PRKN: variants seen among roughly 807,000 people sequenced by gnomAD.
PRKN encodes E3 ubiquitin-protein ligase parkin.
A neutral mutation model predicts 59.5 loss-of-function variants in PRKN; 56 were observed. That is an observed-to-expected ratio of 0.94 (90% confidence interval 0.76 to 1.18). The LOEUF (loss-of-function observed/expected upper bound fraction) is 1.18, where lower values mean the gene tolerates loss of function less well. PRKN is among the 50% of genes most tolerant of loss of function. The pLI, the probability that PRKN is intolerant of heterozygous loss-of-function variation, is 0.00. For missense variants in PRKN, 657 were observed against 596.4 expected (o/e 1.10, Z -1.06); for synonymous variants, 250 against 222.1 (o/e 1.13, Z -1.12).
intron 6 of PRKN, among the ~76,000 whole-genome samples, chr6:161,787,810 G>C (rs749724241): frequency 9.2e-5 from 14 of 152,170 alleles, no homozygotes; most frequent in Admixed American, 6.5e-4. Flanking sequence ...GCCCGGCGTG[G>C]TGGCGGGCGC....
chr6:161,781,966 T>C (rs1337405668), intron 7 of PRKN, among the ~76,000 whole-genome samples: 3 of 152,210 alleles, frequency 2.0e-5, no homozygotes, highest in Non-Finnish European at 4.4e-5. Flanking sequence ...TTGCAATTGC[T>C]GATGGGCATG....
At position 161,458,721 on chromosome 6, in the gene PRKN, A is replaced by G. The variant is rs939654175; in HGVS notation, c.1084-71844T>C. On this transcript the variant is annotated intron_variant, in intron 9 of 11. Transcript: ENST00000366898. The surrounding 1 kb of genome is among the most constrained non-coding windows in gnomAD (Gnocchi z 6.1). ...TAAATTTATTAGCTTCGTGCTCACC[A>G]TGACAGTAACTCCATGTCTGTGGAA... Among the ~76,000 whole-genome samples, 5 of 152,312 alleles carry G rather than the reference A, an allele frequency of 3.3e-5. No individual in the cohort carries two copies. Among genetic ancestry groups the G allele is most frequent in the Admixed American group, 2.0e-4 (3 of 15,304 alleles).
rs1466900668 is a variant in PRKN, at chr6:161,546,633, T to C, written c.1083+2221A>G. Among the ~76,000 whole-genome samples the C allele has an allele frequency of 6.6e-6, 1 of 152,044 alleles. No homozygotes were observed. Among genetic ancestry groups the C allele is most frequent in the Non-Finnish European group, 1.5e-5 (1 of 68,020 alleles). On this transcript the variant is annotated intron_variant, in intron 9 of 11. Coordinates refer to ENST00000366898, the MANE Select transcript of PRKN (RefSeq NM_004562.3). This position sits in a 1 kb window ranked among gnomAD's most constrained non-coding sequence, Gnocchi z 4.4. ...TCTTCAAATTGCAAACTGTGGTGGT[T>C]TAAAATACGTTCATAAATTCTTTGA...
In PRKN at chr6:161,578,356, C is replaced by A. The variant is rs1363691908; in HGVS notation, c.872-8940G>T. On this transcript the variant is annotated intron_variant, in intron 7 of 11. Transcript: ENST00000366898. The surrounding 1 kb of genome is among the most constrained non-coding windows in gnomAD (Gnocchi z 4.2). ...GCTTGTAAAGCAATAAATAACTTCA[C>A]TGTTTGCTTCAAGAAACTCCTGCAA... 6.6e-6 allele frequency among the ~76,000 whole-genome samples: 1 copy of A among 152,170 alleles called. No individual in the cohort carries two copies. Among genetic ancestry groups the A allele is most frequent in the Non-Finnish European group, 1.5e-5 (1 of 68,032 alleles).
At chr6:162,122,716 TTCTATCTA>T (rs71544924) in intron 4 of PRKN, among the ~76,000 whole-genome samples, 9,485 of 147,882 alleles carry the variant, frequency 0.064, 348 homozygotes, top group Middle Eastern at 0.13. Flanking sequence ...GCTCAATCTG[TTCTATCTA>T]TCTATCTATC....
At chr6:162,313,047 C>A (rs1042021108) in intron 2 of PRKN, among the ~76,000 whole-genome samples, 1 of 152,098 alleles carries the variant, frequency 6.6e-6, no homozygotes, top group Non-Finnish European at 1.5e-5. Context: ...AAGAATTATT[C>A]ATGCAATCAA....
intron 1 of PRKN, among the ~76,000 whole-genome samples, chr6:162,597,627 C>G (rs934289541): frequency 3.9e-5 from 6 of 152,138 alleles, no homozygotes; most frequent in African/African-American, 9.7e-5. Context: ...CGCTATTTAT[C>G]TGTTTTGAAA....
At chr6:162,310,287 T>C (rs1344597443) in intron 2 of PRKN, among the ~76,000 whole-genome samples, 1 of 152,124 alleles carries the variant, frequency 6.6e-6, no homozygotes. Flanking sequence ...TCTCAACATC[T>C]GTAATACCAT....
intron 2 of PRKN, among the ~76,000 whole-genome samples, chr6:162,425,019 A>G (rs1269087016): frequency 6.6e-6 from 1 of 151,952 alleles, no homozygotes; most frequent in Non-Finnish European, 1.5e-5. Flanking sequence ...CTTATGTAGA[A>G]TGGAGTCCTA....
intron 4 of PRKN, among the ~76,000 whole-genome samples, chr6:162,061,110 T>C (rs1778083742): frequency 6.6e-6 from 1 of 152,210 alleles, no homozygotes; most frequent in Non-Finnish European, 1.5e-5. Context: ...AAACCTGTTG[T>C]ATTTCATTTC....
intron 2 of PRKN, among the ~76,000 whole-genome samples, chr6:162,365,309 T>A (rs1407789579): frequency 2.0e-5 from 3 of 152,192 alleles, no homozygotes; most frequent in African/African-American, 7.2e-5. Flanking sequence ...CATTCTTCCA[T>A]GTCAGTAAAT....
At chr6:162,091,825 C>T (rs1779508323) in intron 4 of PRKN, among the ~76,000 whole-genome samples, 1 of 151,762 alleles carries the variant, frequency 6.6e-6, no homozygotes, top group South Asian at 2.1e-4. Flanking sequence ...CCACTTGGGC[C>T]CAGGAATTCA....
intron 1 of PRKN, among the ~76,000 whole-genome samples, chr6:162,541,857 T>C (rs1300733421): frequency 6.6e-6 from 1 of 151,930 alleles, no homozygotes; most frequent in Non-Finnish European, 1.5e-5. Flanking sequence ...GGCCCCAATA[T>C]CTTCTGAGCT....
chr6:162,427,763 A>G (rs1789310074), intron 2 of PRKN, among the ~76,000 whole-genome samples: 1 of 151,330 alleles, frequency 6.6e-6, no homozygotes, highest in Non-Finnish European at 1.5e-5. Context: ...CTCCTGCCTC[A>G]GCCTCCCGGG....
chr6:161,367,663 G>A (rs953171561), intron 10 of PRKN, among the ~76,000 whole-genome samples: 1 of 152,082 alleles, frequency 6.6e-6, no homozygotes, highest in East Asian at 1.9e-4. Flanking sequence ...CTCAGACCTC[G>A]GCACGGGCTA....
At chr6:162,236,926 GAAGA>G (rs1344746667) in intron 3 of PRKN, among the ~76,000 whole-genome samples, 1 of 151,678 alleles carries the variant, frequency 6.6e-6, no homozygotes, top group African/African-American at 2.4e-5. Flanking sequence ...GAGAGAGAAA[GAAGA>G]AAGAAAAGAA....
intron 4 of PRKN, among the ~76,000 whole-genome samples, chr6:162,120,227 C>A (rs1011604282): frequency 6.6e-6 from 1 of 152,166 alleles, no homozygotes; most frequent in Non-Finnish European, 1.5e-5. Context: ...TGGTATGGAA[C>A]TCCTGGGCTC....
intron 2 of PRKN, among the ~76,000 whole-genome samples, chr6:162,434,396 T>C (rs188116630): frequency 1.3e-5 from 2 of 152,292 alleles, no homozygotes; most frequent in African/African-American, 2.4e-5. Context: ...TTCTGTGCTT[T>C]ACAAAGGCTA....
At chr6:162,597,112 A>G (rs1781523167) in intron 1 of PRKN, among the ~76,000 whole-genome samples, 1 of 152,200 alleles carries the variant, frequency 6.6e-6, no homozygotes, top group Admixed American at 6.5e-5. Flanking sequence ...TTATGCTACT[A>G]CAGTATTTGT....
Sources: gnomAD v4.1 joint callset for allele counts (sites outside exome capture counted in the v4.1 genomes callset) on GRCh38, gnomAD v4.1.1 for gene constraint, Gnocchi (gnomAD v3.1) non-coding constraint, MANE v1.5 for transcripts, NCBI Gene and HGNC (gene_info 2026-07-23, HGNC 2026-07-21) for gene names.